Variants in GPRC5C observed in about 807,000 individuals in gnomAD.
GPRC5C encodes the protein G protein-coupled receptor family C group 5 member C.
Under a neutral mutation model 31.4 loss-of-function variants are expected in GPRC5C, and 22 were observed. That is an observed-to-expected ratio of 0.70 (90% CI 0.50 to 1.00). The LOEUF (loss-of-function observed/expected upper bound fraction) is 1.00, where lower values mean the gene tolerates loss of function less well. GPRC5C is among the 50% of genes least tolerant of loss of function. The pLI, the probability that GPRC5C is intolerant of heterozygous loss-of-function variation, is 0.00. For missense variants in GPRC5C, 557 were observed against 597.2 expected (o/e 0.93, Z 0.70); for synonymous variants, 249 against 257.5 (o/e 0.97, Z 0.32).
chr17:74,443,959 C>A, intron 3 of GPRC5C, 47 bp downstream of exon 3: 1 of 1,310,452 alleles, frequency 7.6e-7, no homozygotes, highest in Non-Finnish European at 1.1e-6. Flanking sequence ...GCTACAGAGA[C>A]CAGCCTCAGC....
At chr17:74,445,267 GA>G (rs112891447) in intron 3 of GPRC5C, 44,831 of 143,920 alleles carry the variant, frequency 0.31, 12,362 homozygotes, top group African/African-American at 0.75. Context: ...AAATAAATAA[GA>G]AAAAAAAAAA....
At position 74,440,136 on chromosome 17, in the gene GPRC5C, C is replaced by G. The variant is rs746853214; in HGVS notation, c.360C>G (p.Arg120=). ...KPDFSTCASR[R]FLFGVLFAIC... is the part of the protein sequence containing the mutation. ...ACTTCTCCACCTGTGCCTCTCGGCG[C>G]TTCCTCTTTGGGGTTCTGTTCGCCA... Residue 120 remains arginine, a synonymous_variant, in exon 2 of 4, where the codon CGC becomes CGG. Transcript: ENST00000392627. This position sits in a 1 kb window ranked among gnomAD's most constrained non-coding sequence, Gnocchi z 4.4. 2 of 1,614,216 alleles carry G rather than the reference C, an allele frequency of 1.2e-6. No individual in the cohort carries two copies. The highest frequency in any genetic ancestry group is 3.3e-5 in the Admixed American group (2 of 60,030).
downstream of GPRC5C, chr17:74,449,728 A>T (rs1456394189): frequency 4.7e-6 from 1 of 212,162 alleles, no homozygotes; most frequent in Non-Finnish European, 9.6e-6. Context: ...CCCTCTGTGA[A>T]CAACAGGCCT....
chr17:74,440,482 A>G lies in GPRC5C; in HGVS notation c.706A>G (p.Lys236Glu). The part of the protein sequence containing the change: ...GAWPALCGRY[K>E]RWRKHGVFVL... ...CTGGCCCGCCCTGTGTGGCCGCTACAAGCGCTGGCGTAAGCATGGGGTCTT... is the reference window on the plus strand; with the variant it reads ...CTGGCCCGCCCTGTGTGGCCGCTACGAGCGCTGGCGTAAGCATGGGGTCTT... Residue 236 changes from lysine to glutamate, a missense_variant, in exon 2 of 4, where the codon AAG becomes GAG. Lys to Glu is a moderately conservative substitution (Grantham distance 56, BLOSUM62 1). Coordinates refer to ENST00000392627, the MANE Select transcript of GPRC5C (RefSeq NM_022036.4). This position sits in a 1 kb window ranked among gnomAD's most constrained non-coding sequence, Gnocchi z 4.4. The G allele has an allele frequency of 6.2e-7, 1 of 1,614,138 alleles. No individual in the cohort carries two copies. The highest frequency in any genetic ancestry group is 2.2e-5 in the East Asian group (1 of 44,880).
chr17:74,439,879 C>T lies in GPRC5C; in HGVS notation c.103C>T (p.Leu35Phe). 6.2e-7 allele frequency: 1 copy of T among 1,613,274 alleles called. No homozygotes were observed. Among genetic ancestry groups the T allele is most frequent in the Non-Finnish European group, 8.5e-7 (1 of 1,180,034 alleles). ...TGTCCCACCCGGCTGCAGCCAAGGC[C>T]TCAACCCCCTGTACTACAACCTGTG... is the stretch of plus-strand genomic sequence containing the variant. Reference protein sequence around the residue: ...GHVPPGCSQGLNPLYYNLCDR... With the variant: ...GHVPPGCSQGFNPLYYNLCDR... Residue 35 changes from leucine (L) to phenylalanine (F), a missense_variant, in exon 2 of 4, where the codon CTC becomes TTC. By Grantham distance (22) the Leu-to-Phe change is conservative. Transcript: ENST00000392627.
At chr17:74,446,570 TAGGA>T (rs2055638743) in intron 3 of GPRC5C, 1 of 387,780 alleles carries the variant, frequency 2.6e-6, no homozygotes, top group East Asian at 4.2e-5. Flanking sequence ...CAATTGGAAG[TAGGA>T]GGGTCTTGAG....
In GPRC5C at chr17:74,440,431, C is replaced by T; in HGVS notation, c.655C>T (p.Leu219=). The T allele has an allele frequency of 6.2e-7, 1 of 1,613,952 alleles. No homozygotes were observed. The highest frequency in any genetic ancestry group is 8.5e-7 in the Non-Finnish European group (1 of 1,179,868). ...CATGGCACTCATCTACGTCATGCTGCTGCTGCTGGGTGCCTTCCTGGGGGC... is the reference window on the plus strand; with the variant it reads ...CATGGCACTCATCTACGTCATGCTGTTGCTGCTGGGTGCCTTCCTGGGGGC... ...FVMALIYVML[L]LLGAFLGAWP... The change falls in exon 2 of 4, where the codon CTG becomes TTG. Residue 219 remains leucine (L), a synonymous_variant. Coordinates refer to ENST00000392627, the MANE Select transcript of GPRC5C (RefSeq NM_022036.4). This position sits in a 1 kb window ranked among gnomAD's most constrained non-coding sequence, Gnocchi z 4.4.
chr17:74,447,642 G>A (rs2055662730), downstream of GPRC5C, among the ~76,000 whole-genome samples: 1 of 152,226 alleles, frequency 6.6e-6, no homozygotes, highest in Non-Finnish European at 1.5e-5. Flanking sequence ...TGTGCGATCA[G>A]AATGAACACC....
At position 74,439,863 on chromosome 17, in the gene GPRC5C, C is replaced by T. The variant is rs147345722; in HGVS notation, c.87C>T (p.Pro29=). The stretch of plus-strand genomic sequence containing the variant: ...CCTGGGCCCAGGGCCATGTCCCACC[C>T]GGCTGCAGCCAAGGCCTCAACCCCC... ...PGAWAQGHVP[P]GCSQGLNPLY... Residue 29 remains proline, a synonymous_variant, in exon 2 of 4, where the codon CCC becomes CCT. Transcript: ENST00000392627. The T allele has an allele frequency of 2.3e-5, 37 of 1,613,280 alleles. 1 individual carries two copies. Among genetic ancestry groups the T allele is most frequent in the Middle Eastern group, 1.6e-4 (1 of 6,084 alleles).
intron 1 of GPRC5C, among the ~76,000 whole-genome samples, chr17:74,434,294 T>C (rs561411754): frequency 6.6e-6 from 1 of 152,234 alleles, no homozygotes; most frequent in South Asian, 2.1e-4. Flanking sequence ...CTGAGAATCT[T>C]TAAGCAGAAG....
chr17:74,445,690 G>A (rs184887110), intron 3 of GPRC5C: 42 of 152,324 alleles, frequency 2.8e-4, no homozygotes, highest in African/African-American at 9.4e-4. Context: ...GGGAGCTACA[G>A]AGATTTGGTG....
chr17:74,448,926 C>T (rs190858185), downstream of GPRC5C: 1 of 1,282,264 alleles, frequency 7.8e-7, no homozygotes, highest in African/African-American at 1.5e-5. Context: ...GTAAGCCAGT[C>T]CAGTGGGTGG....
chr17:74,440,498 A>G lies in GPRC5C; in HGVS notation c.722A>G (p.His241Arg). ...LCGRYKRWRK[H>R]GVFVLLTTAT... ...GGCCGCTACAAGCGCTGGCGTAAGCATGGGGTCTTTGTGCTCCTCACCACA... is the reference window on the plus strand; with the variant it reads ...GGCCGCTACAAGCGCTGGCGTAAGCGTGGGGTCTTTGTGCTCCTCACCACA... The change falls in exon 2 of 4, where the codon CAT becomes CGT. Residue 241 changes from histidine (H) to arginine (R), a missense_variant. Coordinates refer to ENST00000392627, the MANE Select transcript of GPRC5C (RefSeq NM_022036.4). The surrounding 1 kb of genome is among the most constrained non-coding windows in gnomAD (Gnocchi z 4.4). 1 of 1,614,132 alleles carries G rather than the reference A, an allele frequency of 6.2e-7. No homozygotes were observed. The highest frequency in any genetic ancestry group is 1.1e-5 in the South Asian group (1 of 91,090).
chr17:74,433,289 G>T (rs182643216), intron 1 of GPRC5C, among the ~76,000 whole-genome samples: 1 of 152,132 alleles, frequency 6.6e-6, no homozygotes, highest in Admixed American at 6.6e-5. Flanking sequence ...TGCATTGGGG[G>T]GTGGGGCGCA....
chr17:74,437,646 C>CTTTTTTT (rs2055453340), intron 1 of GPRC5C, among the ~76,000 whole-genome samples: 1 of 106,864 alleles, frequency 9.4e-6, no homozygotes, highest in African/African-American at 8.7e-5. Flanking sequence ...TTTTTTTTTG[C>CTTTTTTT]TTCTGTGTTG....
chr17:74,432,199 T>C (rs2055359966), intron 1 of GPRC5C, 58 bp downstream of exon 1: 3 of 1,570,740 alleles, frequency 1.9e-6, no homozygotes, highest in Non-Finnish European at 2.6e-6. Context: ...GGAGCGCACG[T>C]ACCTGGAGCG....
intron 1 of GPRC5C, among the ~76,000 whole-genome samples, chr17:74,436,431 T>C (rs146135206): frequency 8.5e-5 from 13 of 152,330 alleles, no homozygotes; most frequent in African/African-American, 2.9e-4. Context: ...AGTCTTTCTC[T>C]ACTCTGCCTG....
rs775159281 is a variant in GPRC5C, at chr17:74,440,068, C to T, written c.292C>T (p.Leu98=). 9.3e-6 allele frequency: 15 copies of T among 1,613,256 alleles called. No individual in the cohort carries two copies. The South Asian group carries it at 1.5e-4, about 17-fold the overall frequency. ...GTQVFFLLGT[L]GLFCLVFACV... is the part of the protein sequence containing the mutation. ...CCAGGTATTCTTCCTTCTGGGGACCCTGGGCCTCTTCTGCCTCGTGTTTGC... is the reference window on the plus strand; with the variant it reads ...CCAGGTATTCTTCCTTCTGGGGACCTTGGGCCTCTTCTGCCTCGTGTTTGC... The change falls in exon 2 of 4, where the codon CTG becomes TTG. Residue 98 remains leucine, a synonymous_variant. Transcript: ENST00000392627. This position sits in a 1 kb window ranked among gnomAD's most constrained non-coding sequence, Gnocchi z 4.4.
At chr17:74,435,067 A>G (rs2055413584) in intron 1 of GPRC5C, among the ~76,000 whole-genome samples, 1 of 150,986 alleles carries the variant, frequency 6.6e-6, no homozygotes, top group Non-Finnish European at 1.5e-5. Context: ...AAAATAGAAA[A>G]AATTAGCCGG....
Sources: gnomAD v4.1 joint callset for allele counts (sites outside exome capture counted in the v4.1 genomes callset) on GRCh38, gnomAD v4.1.1 for gene constraint, Gnocchi (gnomAD v3.1) non-coding constraint, MANE v1.5 for transcripts, NCBI Gene and HGNC (gene_info 2026-07-23, HGNC 2026-07-21) for gene names.